The following GPR6 variants were observed in gnomAD, a reference collection of about 807,000 sequenced individuals.
GPR6 encodes sphingosine 1-phosphate receptor GPR6.
Under a neutral mutation model 18.5 loss-of-function variants are expected in GPR6, and 14 were observed. The ratio of observed to expected loss-of-function variants is 0.76; its 90% CI spans 0.50 to 1.18. The LOEUF is 1.18. GPR6 is among the 50% of genes most tolerant of loss of function. The probability of loss-of-function intolerance (pLI) is 0.00; values close to 1 mark genes in which losing one functional copy is unlikely to be tolerated. For missense variants in GPR6, 477 were observed against 495.9 expected (o/e 0.96, Z 0.36); for synonymous variants, 299 against 240.9 (o/e 1.24, Z -2.23).
chr6:109,978,537 A>G (rs1343281520), intron 1 of GPR6, 70 bp downstream of exon 1: 14 of 541,144 alleles, frequency 2.6e-5, no homozygotes. Context: ...TCCAGGGGAC[A>G]GGTCTTTCCA....
In GPR6 at chr6:109,980,015, G is replaced by A; in HGVS notation, c.903G>A (p.Val301=). 2 of 1,613,532 alleles carry A rather than the reference G, an allele frequency of 1.2e-6. No individual in the cohort carries two copies. Among genetic ancestry groups the A allele is most frequent in the Non-Finnish European group, 1.7e-6 (2 of 1,180,034 alleles). Residue 301 remains valine, a synonymous_variant, in exon 2 of 2, where the codon GTG becomes GTA. Coordinates refer to ENST00000275169, the MANE Select transcript of GPR6 (RefSeq NM_005284.5). Reference sequence around the variant, plus strand: ...TGCCCTTCGCCATCTATTGCGTGGTGGGCAGCCATGAGGACCCGGCGGTCT... The same window carrying A: ...TGCCCTTCGCCATCTATTGCGTGGTAGGCAGCCATGAGGACCCGGCGGTCT... ...SWLPFAIYCV[V]GSHEDPAVYT...
chr6:109,980,167 T>C lies in GPR6; in HGVS notation c.1055T>C (p.Val352Ala), dbSNP rs1771056515. Reference protein sequence around the residue: ...LLLCGCFQSKVPFRSRSPSEV With the variant: ...LLLCGCFQSKAPFRSRSPSEV ...CTCTGTGGCTGTTTCCAGTCCAAAG[T>C]GCCCTTTCGTTCCAGGTCTCCCAGC... The change falls in exon 2 of 2, where the codon GTG becomes GCG. Residue 352 changes from valine (V) to alanine (A), a missense_variant. Physicochemically the swap from Val to Ala is moderately conservative, Grantham distance 64. Coordinates refer to ENST00000275169, the MANE Select transcript of GPR6 (RefSeq NM_005284.5). 1 of 1,614,120 alleles carries C rather than the reference T, an allele frequency of 6.2e-7. No individual in the cohort carries two copies. The highest frequency in any genetic ancestry group is 1.7e-5 in the Admixed American group (1 of 60,016).
Position 109,979,535 on chromosome 6 carries a change from T to C in GPR6, c.423T>C (p.Ser141=), listed in dbSNP as rs931781357. ...FQYLVPSETV[S]LLTVGFLVAS... ...ACTTGGTGCCCTCGGAGACTGTGAGTCTGCTCACGGTGGGCTTCCTCGTGG... is the reference window on the plus strand; with the variant it reads ...ACTTGGTGCCCTCGGAGACTGTGAGCCTGCTCACGGTGGGCTTCCTCGTGG... The change falls in exon 2 of 2, where the codon AGT becomes AGC. Residue 141 remains serine, a synonymous_variant. Coordinates refer to ENST00000275169, the MANE Select transcript of GPR6 (RefSeq NM_005284.5). The C allele has an allele frequency of 3.1e-6, 5 of 1,613,110 alleles. No homozygotes were observed. The highest frequency in any genetic ancestry group is 4.2e-6 in the Non-Finnish European group (5 of 1,179,984).
rs1771065018 is a variant in GPR6, at chr6:109,980,495, C to T, written c.*294C>T. ...ACCAAGAAAAAGATATGGTTGTATACTCAAATTGTACATCACGTTTGTCAA... is the reference window on the plus strand; with the variant it reads ...ACCAAGAAAAAGATATGGTTGTATATTCAAATTGTACATCACGTTTGTCAA... On this transcript the variant is annotated 3_prime_UTR_variant, in exon 2 of 2. Coordinates refer to ENST00000275169, the MANE Select transcript of GPR6 (RefSeq NM_005284.5). 1 of 426,668 alleles carries T rather than the reference C, an allele frequency of 2.3e-6. No homozygotes were observed. The highest frequency in any genetic ancestry group is 4.3e-6 in the Non-Finnish European group (1 of 232,590). 26.4% of individuals were successfully genotyped at this position (426,668 alleles called of 1,614,324 possible). A position where few individuals can be genotyped will look rare whatever the true frequency, so the allele number is the denominator to read the frequency against.
At position 109,980,368 on chromosome 6, in the gene GPR6, G is replaced by C; in HGVS notation, c.*167G>C. The C allele has an allele frequency of 1.1e-6, 1 of 895,162 alleles. No homozygotes were observed. Among genetic ancestry groups the C allele is most frequent in the Non-Finnish European group, 1.7e-6 (1 of 582,554 alleles). The allele number at this position is 895,162 out of a possible 1,614,324, so 55.5% of individuals were successfully genotyped here. A position where few individuals can be genotyped will look rare whatever the true frequency, so the allele number is the denominator to read the frequency against. ...CAAACTTACAAGGACAAAGAGGCTTGTTGGCACTTTACATATACAGTGTAT... is the reference window on the plus strand; with the variant it reads ...CAAACTTACAAGGACAAAGAGGCTTCTTGGCACTTTACATATACAGTGTAT... On this transcript the variant is annotated 3_prime_UTR_variant, in exon 2 of 2. Transcript: ENST00000275169.
chr6:109,979,918 C>G lies in GPR6; in HGVS notation c.806C>G (p.Pro269Arg). 1 of 1,612,470 alleles carries G rather than the reference C, an allele frequency of 6.2e-7. No homozygotes were observed. Among genetic ancestry groups the G allele is most frequent in the Non-Finnish European group, 8.5e-7 (1 of 1,180,018 alleles). ...CTGCAGCAGCACTGCCTGGCGCCAC[C>G]CCATCTCGCTGCCACCAGAAAGGGT... ...IALQQHCLAP[P>R]HLAATRKGVG... is the part of the protein sequence containing the mutation. The change falls in exon 2 of 2, where the codon CCC becomes CGC. Residue 269 changes from proline to arginine, a missense_variant. By Grantham distance (103) the Pro-to-Arg change is moderately radical. Transcript: ENST00000275169.
chr6:109,979,193 A>C lies in GPR6; in HGVS notation c.81A>C (p.Ala27=), dbSNP rs1361836302. The change falls in exon 2 of 2, where the codon GCA becomes GCC. Residue 27 remains alanine (A), a synonymous_variant. Transcript: ENST00000275169. ...AAGGAGCGGCGGCGGCGGCCACAGC[A>C]GCAGGGGGGCCGGACACGGGCGAAT... ...AAEGAAAAAT[A]AGGPDTGEWG... 5.0e-6 allele frequency: 8 copies of C among 1,596,708 alleles called. No individual in the cohort carries two copies. The Admixed American group carries it at 1.4e-4, about 28-fold the overall frequency.
chr6:109,979,178 G>A lies in GPR6; in HGVS notation c.66G>A (p.Ala22=), dbSNP rs1771017968. ...QVVVVAAEGA[A]AAATAAGGPD... ...TGGTAGTGGCGGCCGAAGGAGCGGC[G>A]GCGGCGGCCACAGCAGCAGGGGGGC... The change falls in exon 2 of 2, where the codon GCG becomes GCA. Residue 22 remains alanine, a synonymous_variant. Transcript: ENST00000275169. 4.4e-6 allele frequency: 7 copies of A among 1,596,108 alleles called. No homozygotes were observed. Among genetic ancestry groups the A allele is most frequent in the Non-Finnish European group, 5.9e-6 (7 of 1,177,098 alleles).
chr6:109,978,641 C>A, intron 1 of GPR6, 174 bp downstream of exon 1: 1 of 1,104,400 alleles, frequency 9.1e-7, no homozygotes, highest in Non-Finnish European at 1.3e-6. Context: ...TCGCAGGGGT[C>A]TCTGGGCTCC....
Position 109,979,827 on chromosome 6 carries a change from G to C in GPR6, c.715G>C (p.Gly239Arg), listed in dbSNP as rs1290657655. The C allele has an allele frequency of 1.9e-6, 3 of 1,605,662 alleles. No individual in the cohort carries two copies. The highest frequency in any genetic ancestry group is 2.5e-6 in the Non-Finnish European group (3 of 1,179,302). ...CTCCGCCGCCTTCTTCATGGTCTTC[G>C]GCATCATGCTGCACCTGTACGTGCG... is the stretch of plus-strand genomic sequence containing the variant. ...LLSAAFFMVF[G>R]IMLHLYVRIC... Residue 239 changes from glycine to arginine, a missense_variant, in exon 2 of 2, where the codon GGC becomes CGC. Physicochemically the swap from Gly to Arg is moderately radical, Grantham distance 125 (BLOSUM62 -2). Transcript: ENST00000275169.
In GPR6 at chr6:109,979,855, T is replaced by C. The variant is rs1771044494; in HGVS notation, c.743T>C (p.Ile248Thr). 6.2e-7 allele frequency: 1 copy of C among 1,608,956 alleles called. No individual in the cohort carries two copies. The highest frequency in any genetic ancestry group is 8.5e-7 in the Non-Finnish European group (1 of 1,179,786). The change falls in exon 2 of 2, where the codon ATC becomes ACC. Residue 248 changes from isoleucine to threonine, a missense_variant. Coordinates refer to ENST00000275169, the MANE Select transcript of GPR6 (RefSeq NM_005284.5). ...FGIMLHLYVR[I>T]CQVVWRHAHQ... ...ATCATGCTGCACCTGTACGTGCGCA[T>C]CTGCCAGGTGGTCTGGCGCCACGCG... is the stretch of plus-strand genomic sequence containing the variant.
chr6:109,980,294 T>C lies in GPR6; in HGVS notation c.*93T>C, dbSNP rs1771061003. ...CTGCTGACGAACTCTGAGATCCCAATGGTGTGAGTCTGACTTTGGAAAGAA... is the reference window on the plus strand; with the variant it reads ...CTGCTGACGAACTCTGAGATCCCAACGGTGTGAGTCTGACTTTGGAAAGAA... On this transcript the variant is annotated 3_prime_UTR_variant, in exon 2 of 2. Coordinates refer to ENST00000275169, the MANE Select transcript of GPR6 (RefSeq NM_005284.5). 3.9e-6 allele frequency: 6 copies of C among 1,534,578 alleles called. No individual in the cohort carries two copies. Among genetic ancestry groups the C allele is most frequent in the Non-Finnish European group, 5.3e-6 (6 of 1,124,826 alleles).
At position 109,978,783 on chromosome 6, in the gene GPR6, T is replaced by C. The variant is rs1355001124; in HGVS notation, c.-18-312T>C. On this transcript the variant is annotated intron_variant, in intron 1 of 1. Coordinates refer to ENST00000275169, the MANE Select transcript of GPR6 (RefSeq NM_005284.5). ...AGGCGGGACTCTCCCAGGATGACAC[T>C]CCTAGCTTGGTGCACTCGGGTGCGT... 6 of 1,535,582 alleles carry C rather than the reference T, an allele frequency of 3.9e-6. No individual in the cohort carries two copies. In the Admixed American group the frequency reaches 1.2e-4, roughly 30 times the overall value.
At position 109,980,070 on chromosome 6, in the gene GPR6, T is replaced by A; in HGVS notation, c.958T>A (p.Tyr320Asn). Reference protein sequence around the residue: ...YTYATLLPATYNSMINPIIYA... With the variant: ...YTYATLLPATNNSMINPIIYA... ...TTACGCCACCCTGCTGCCCGCCACC[T>A]ACAACTCCATGATCAATCCCATCAT... is the stretch of plus-strand genomic sequence containing the variant. Residue 320 changes from tyrosine (Y) to asparagine (N), a missense_variant, in exon 2 of 2, where the codon TAC becomes AAC. Physicochemically the swap from Tyr to Asn is moderately radical, Grantham distance 143 (BLOSUM62 -2). Transcript: ENST00000275169. 1 of 1,614,208 alleles carries A rather than the reference T, an allele frequency of 6.2e-7. No homozygotes were observed. Among genetic ancestry groups the A allele is most frequent in the Non-Finnish European group, 8.5e-7 (1 of 1,180,032 alleles).
rs562396832 is a variant in GPR6 at position 109,980,302 on chromosome 6, G to A, written c.*101G>A. ...GAACTCTGAGATCCCAATGGTGTGA[G>A]TCTGACTTTGGAAAGAAAAAGGGAC... On this transcript the variant is annotated 3_prime_UTR_variant, in exon 2 of 2. Coordinates refer to ENST00000275169, the MANE Select transcript of GPR6 (RefSeq NM_005284.5). 18 of 1,511,444 alleles carry A rather than the reference G, an allele frequency of 1.2e-5. No homozygotes were observed. The East Asian group carries it at 4.1e-4, about 34-fold the overall frequency. The allele number at this position is 1,511,444 out of a possible 1,614,324, so 93.6% of individuals were successfully genotyped here.
chr6:109,979,388 G>A lies in GPR6; in HGVS notation c.276G>A (p.Leu92=). The change falls in exon 2 of 2, where the codon CTG becomes CTA. Residue 92 remains leucine (L), a synonymous_variant. Transcript: ENST00000275169. The part of the protein sequence containing the change: ...SGTVIAGENA[L]VVALIASTPA... ...CAGTGATCGCTGGAGAAAACGCGCTGGTGGTGGCGCTCATCGCGTCCACTC... is the reference window on the plus strand; with the variant it reads ...CAGTGATCGCTGGAGAAAACGCGCTAGTGGTGGCGCTCATCGCGTCCACTC... The A allele has an allele frequency of 6.2e-7, 1 of 1,613,754 alleles. No homozygotes were observed. Among genetic ancestry groups the A allele is most frequent in the Non-Finnish European group, 8.5e-7 (1 of 1,179,982 alleles).
Position 109,979,066 on chromosome 6 carries a change from C to A in GPR6, c.-18-29C>A, listed in dbSNP as rs537577950. ...GTTTCCTGGCAGCCTGAAGTGTACA[C>A]CTGACGCCTGCACTCCCTCCCTATG... On this transcript the variant is annotated intron_variant, in intron 1 of 1. Coordinates refer to ENST00000275169, the MANE Select transcript of GPR6 (RefSeq NM_005284.5). 1.9e-6 allele frequency: 3 copies of A among 1,542,018 alleles called. No individual in the cohort carries two copies. In the South Asian group the frequency reaches 3.7e-5, roughly 19 times the overall value.
rs769492242 is a variant in GPR6, at chr6:109,979,926, G to A, written c.814G>A (p.Ala272Thr). 3.7e-6 allele frequency: 6 copies of A among 1,612,522 alleles called. No individual in the cohort carries two copies. The Admixed American group carries it at 1.0e-4, about 27-fold the overall frequency. The change falls in exon 2 of 2, where the codon GCT becomes ACT. Residue 272 changes from alanine (A) to threonine (T), a missense_variant. Transcript: ENST00000275169. ...GCACTGCCTGGCGCCACCCCATCTCGCTGCCACCAGAAAGGGTGTGGGTAC... is the reference window on the plus strand; with the variant it reads ...GCACTGCCTGGCGCCACCCCATCTCACTGCCACCAGAAAGGGTGTGGGTAC... The part of the protein sequence containing the change: ...QQHCLAPPHL[A>T]ATRKGVGTLA...
At chr6:109,979,052 G>A (rs747416060) in intron 1 of GPR6, 43 bp from the exon 2 acceptor site, 2 of 1,538,674 alleles carry the variant, frequency 1.3e-6, no homozygotes, top group African/African-American at 2.7e-5. Flanking sequence ...TTTCCTGGCA[G>A]CCTGAAGTGT....
Sources: allele counts gnomAD v4.1 joint callset, GRCh38; gene constraint gnomAD v4.1.1; transcripts MANE v1.5; gene names NCBI Gene and HGNC (gene_info 2026-07-23, HGNC 2026-07-21).